SGSM2: variants seen among roughly 807,000 people sequenced by gnomAD.
SGSM2 encodes the protein RUN and TBC1 domain containing 1.
In SGSM2, 89 loss-of-function variants were observed where a neutral mutation model predicts 126.6. The ratio of observed to expected loss-of-function variants is 0.70; its 90% CI spans 0.59 to 0.84. SGSM2 has a LOEUF of 0.84. Ranked by LOEUF, SGSM2 falls within the 40% of genes least tolerant of loss-of-function variation. The pLI is 0.00. For synonymous variants in SGSM2, 614 were observed against 574.3 expected, an observed-to-expected ratio of 1.07 and a Z score of -0.99; for missense variants, 1,404 against 1,416.6, an observed-to-expected ratio of 0.99 and a Z score of 0.14.
At position 2,337,840 on chromosome 17, in the gene SGSM2, C is replaced by T. The variant is rs538839102; in HGVS notation, c.57+95C>T. 3 of 879,260 alleles carry T rather than the reference C, an allele frequency of 3.4e-6. No homozygotes were observed. Among genetic ancestry groups the T allele is most frequent in the South Asian group, 5.6e-5 (2 of 35,854 alleles). 54.5% of individuals were successfully genotyped at this position (879,260 alleles called of 1,614,324 possible). On this transcript the variant is annotated intron_variant, in intron 1 of 23. Coordinates refer to ENST00000268989, the MANE Select transcript of SGSM2 (RefSeq NM_014853.3). The surrounding 1 kb of genome is among the most constrained non-coding windows in gnomAD (Gnocchi z 5.1). Reference sequence around the variant, plus strand: ...GCGCCCACCCCCCGGCGCGGGCACCCGGGCCGAACCTGGGCCGGGCGGGGC... The same window carrying T: ...GCGCCCACCCCCCGGCGCGGGCACCTGGGCCGAACCTGGGCCGGGCGGGGC...
At chr17:2,378,130 T>C (rs2066263438) in intron 22 of SGSM2, among the ~76,000 whole-genome samples, 177 bp downstream of exon 22, 1 of 152,184 alleles carries the variant, frequency 6.6e-6, no homozygotes, top group African/African-American at 2.4e-5. Flanking sequence ...CCTGGGCCTA[T>C]GGGTTCTTAA....
At chr17:2,359,287 A>G (rs2065214757) in intron 2 of SGSM2, among the ~76,000 whole-genome samples, 2 of 151,976 alleles carry the variant, frequency 1.3e-5, no homozygotes, top group Admixed American at 6.6e-5. Context: ...ACTGCACGCG[A>G]TAACATATTC....
chr17:2,360,012 A>C (rs2065245946), intron 2 of SGSM2, among the ~76,000 whole-genome samples: 1 of 152,266 alleles, frequency 6.6e-6, no homozygotes, highest in Non-Finnish European at 1.5e-5. Flanking sequence ...AGGGGGAATG[A>C]TCATGGAGAG....
chr17:2,380,099 G>A lies in SGSM2; in HGVS notation c.*579G>A. 1 of 1,399,106 alleles carries A rather than the reference G, an allele frequency of 7.1e-7. No homozygotes were observed. Among genetic ancestry groups the A allele is most frequent in the Non-Finnish European group, 9.3e-7 (1 of 1,080,290 alleles). 86.7% of individuals were successfully genotyped at this position (1,399,106 alleles called of 1,614,324 possible). A position where few individuals can be genotyped will look rare whatever the true frequency, so the allele number is the denominator to read the frequency against. On this transcript the variant is annotated 3_prime_UTR_variant, in exon 24 of 24. Coordinates refer to ENST00000268989, the MANE Select transcript of SGSM2 (RefSeq NM_014853.3). The stretch of plus-strand genomic sequence containing the variant: ...CAGGCCGCTCCCCCGAGATTCTGGG[G>A]CAGTCGGAAGATGTGGGCCCTGGGT...
At chr17:2,370,287 G>C (rs12602246) in intron 12 of SGSM2, among the ~76,000 whole-genome samples, 12,488 of 152,268 alleles carry the variant, frequency 0.082, 837 homozygotes, top group African/African-American at 0.17. Context: ...TTTGCTTCAT[G>C]TCTGTGGCTC....
In SGSM2 at chr17:2,367,780, C is replaced by T. The variant is rs1233572973; in HGVS notation, c.1423+375C>T. 1.3e-5 allele frequency among the ~76,000 whole-genome samples: 2 copies of T among 152,206 alleles called. No individual in the cohort carries two copies. Among genetic ancestry groups the T allele is most frequent in the Admixed American group, 1.3e-4 (2 of 15,288 alleles). ...TCTCTCTGCTGATTGGGAAGACCAGCCTCTGGGCCTGGTGCTTCTGACTCC... is the reference window on the plus strand; with the variant it reads ...TCTCTCTGCTGATTGGGAAGACCAGTCTCTGGGCCTGGTGCTTCTGACTCC... On this transcript the variant is annotated intron_variant, in intron 12 of 23. Transcript: ENST00000268989. This position sits in a 1 kb window ranked among gnomAD's most constrained non-coding sequence, Gnocchi z 4.0.
Position 2,363,253 on chromosome 17 carries a change from TCAG to T in SGSM2, c.672+120_672+122del. ...GAGATGCCCCAAGGTAGCGGCTGCC[TCAG>T]AAGAGCCTTCTCCGCACAATAAAAC... is the stretch of plus-strand genomic sequence containing the variant. On this transcript the variant is annotated intron_variant, in intron 6 of 23. Transcript: ENST00000268989. The surrounding 1 kb of genome is among the most constrained non-coding windows in gnomAD (Gnocchi z 4.2). The T allele has an allele frequency of 7.3e-7, 1 of 1,368,296 alleles. No individual in the cohort carries two copies. The highest frequency in any genetic ancestry group is 2.5e-5 in the Admixed American group (1 of 39,746). 84.8% of individuals were successfully genotyped at this position (1,368,296 alleles called of 1,614,324 possible). A position where few individuals can be genotyped will look rare whatever the true frequency, so the allele number is the denominator to read the frequency against.
chr17:2,359,338 A>G (rs770543636), intron 2 of SGSM2, among the ~76,000 whole-genome samples: 1 of 152,180 alleles, frequency 6.6e-6, no homozygotes, highest in East Asian at 1.9e-4. Flanking sequence ...CCTTGTGGGC[A>G]TGGCATAGGA....
At chr17:2,351,661 C>T (rs902869167) in intron 2 of SGSM2, among the ~76,000 whole-genome samples, 8 of 152,120 alleles carry the variant, frequency 5.3e-5, no homozygotes, top group Non-Finnish European at 7.3e-5. Flanking sequence ...TGGGTTCAGG[C>T]GATCTCTCAC....
rs1381512060 is a variant in SGSM2, at chr17:2,372,402, C to G, written c.1702C>G (p.His568Asp). The G allele has an allele frequency of 6.3e-7, 1 of 1,596,324 alleles. No individual in the cohort carries two copies. The highest frequency in any genetic ancestry group is 1.3e-5 in the African/African-American group (1 of 74,618). ...VRTHLSALVH[H>D]SVIPPDRPPG... ...GACCCACCTGTCGGCGCTGGTGCAC[C>G]ATAGCGTTATCCCACCTGACCGGCC... Residue 568 changes from histidine to aspartate, a missense_variant, in exon 15 of 24, where the codon CAT becomes GAT. Physicochemically the swap from His to Asp is moderately conservative, Grantham distance 81. Transcript: ENST00000268989. The surrounding 1 kb of genome is among the most constrained non-coding windows in gnomAD (Gnocchi z 6.0).
chr17:2,358,873 G>GTTTTTTT (rs759581510), intron 2 of SGSM2, among the ~76,000 whole-genome samples: 6 of 88,186 alleles, frequency 6.8e-5, no homozygotes, highest in Admixed American at 2.3e-4. Context: ...TGTTGTTGTT[G>GTTTTTTT]TTTTTTTTTT....
chr17:2,372,611 C>T lies in SGSM2; in HGVS notation c.1788+123C>T, dbSNP rs577957340. Reference sequence around the variant, plus strand: ...GCCAGGGCCGATGCCACGGAGTGACCAGGGTCCCGGCAGAATCTCTTGCAG... The same window carrying T: ...GCCAGGGCCGATGCCACGGAGTGACTAGGGTCCCGGCAGAATCTCTTGCAG... On this transcript the variant is annotated intron_variant, in intron 15 of 23. Transcript: ENST00000268989. The surrounding 1 kb of genome is among the most constrained non-coding windows in gnomAD (Gnocchi z 6.0). 79 of 1,353,632 alleles carry T rather than the reference C, an allele frequency of 5.8e-5. 1 individual carries two copies. In the African/African-American group the frequency reaches 1.2e-3, roughly 20 times the overall value. The allele number at this position is 1,353,632 out of a possible 1,614,324, so 83.9% of individuals were successfully genotyped here.
intron 2 of SGSM2, among the ~76,000 whole-genome samples, chr17:2,347,899 A>G (rs1436807447): frequency 6.6e-6 from 1 of 152,114 alleles, no homozygotes. Flanking sequence ...TCTCAGGCCA[A>G]TCATATCTCC....
At chr17:2,349,323 C>T (rs189205678) in intron 2 of SGSM2, among the ~76,000 whole-genome samples, 3 of 151,884 alleles carry the variant, frequency 2.0e-5, no homozygotes, top group African/African-American at 7.2e-5. Flanking sequence ...TTTCAGTGAG[C>T]GAGATTGTGC....
intron 2 of SGSM2, among the ~76,000 whole-genome samples, chr17:2,353,012 C>G (rs967830926): frequency 6.6e-6 from 1 of 151,594 alleles, no homozygotes; most frequent in Non-Finnish European, 1.5e-5. Context: ...CTCCTGACCT[C>G]GTGATCCACC....
intron 22 of SGSM2, among the ~76,000 whole-genome samples, chr17:2,378,594 C>G (rs554929140): frequency 6.6e-6 from 1 of 151,932 alleles, no homozygotes; most frequent in Non-Finnish European, 1.5e-5. Context: ...TAGGTGATTC[C>G]GAAGTGCCAC....
At position 2,363,735 on chromosome 17, in the gene SGSM2, C is replaced by A; in HGVS notation, c.807+136C>A. On this transcript the variant is annotated intron_variant, in intron 7 of 23. Coordinates refer to ENST00000268989, the MANE Select transcript of SGSM2 (RefSeq NM_014853.3). The surrounding 1 kb of genome is among the most constrained non-coding windows in gnomAD (Gnocchi z 4.2). ...GAGAATGGCCCCAGCCTCCCAACTCCCTGTTTCACACGACTCACGCCCAGC... is the reference window on the plus strand; with the variant it reads ...GAGAATGGCCCCAGCCTCCCAACTCACTGTTTCACACGACTCACGCCCAGC... 1 of 1,306,852 alleles carries A rather than the reference C, an allele frequency of 7.7e-7. No homozygotes were observed. 81.0% of individuals were successfully genotyped at this position (1,306,852 alleles called of 1,614,324 possible).
Position 2,377,562 on chromosome 17 carries a change from G to A in SGSM2, c.2803-295G>A. On this transcript the variant is annotated intron_variant, in intron 21 of 23. Transcript: ENST00000268989. ...TGTGTGTGTGAATGCTCGTGCCCAT[G>A]AAAGTTCTGGCGAACAGTAGGGGTT... 3 of 261,886 alleles carry A rather than the reference G, an allele frequency of 1.1e-5. No homozygotes were observed. In the South Asian group the frequency reaches 1.9e-4, roughly 17 times the overall value. The allele number at this position is 261,886 out of a possible 1,614,324, so 16.2% of individuals were successfully genotyped here.
At chr17:2,349,890 C>G (rs2064775449) in intron 2 of SGSM2, among the ~76,000 whole-genome samples, 1 of 151,864 alleles carries the variant, frequency 6.6e-6, no homozygotes, top group Non-Finnish European at 1.5e-5. Flanking sequence ...CGGGTTCACA[C>G]CATTCTCCTG....
Sources: gnomAD v4.1 joint callset for allele counts (sites outside exome capture counted in the v4.1 genomes callset) on GRCh38, gnomAD v4.1.1 for gene constraint, Gnocchi (gnomAD v3.1) non-coding constraint, MANE v1.5 for transcripts, NCBI Gene and HGNC (gene_info 2026-07-23, HGNC 2026-07-21) for gene names.